Variants in KCNH6 observed in about 807,000 individuals in gnomAD.
The protein encoded by KCNH6 is voltage-gated inwardly rectifying potassium channel KCNH6.
A neutral mutation model predicts 83.4 loss-of-function variants in KCNH6; 81 were observed. The ratio of observed to expected loss-of-function variants is 0.97; its 90% confidence interval spans 0.81 to 1.17. The LOEUF (loss-of-function observed/expected upper bound fraction) is 1.17, where lower values mean the gene tolerates loss of function less well. Ranked by LOEUF, KCNH6 falls within the 50% of genes most tolerant of loss-of-function variation. KCNH6 has a pLI of 0.00. For synonymous variants in KCNH6, 503 were observed against 545.6 expected (o/e 0.92, Z 1.09); for missense variants, 1,203 against 1,290.5 (o/e 0.93, Z 1.04).
chr17:63,536,203 C>A, intron 6 of KCNH6, 135 bp downstream of exon 6: 1 of 825,718 alleles, frequency 1.2e-6, no homozygotes, highest in Non-Finnish European at 1.9e-6. Context: ...AAGTGTGCAG[C>A]ACAATGAATT....
At chr17:63,542,833 G>C (rs1436913430) in intron 9 of KCNH6, among the ~76,000 whole-genome samples, 1 of 152,194 alleles carries the variant, frequency 6.6e-6, no homozygotes, top group Non-Finnish European at 1.5e-5. Flanking sequence ...GAAAAAGGGG[G>C]TGCCTTCTGT....
In KCNH6 at chr17:63,545,100, G is replaced by A. The variant is rs990162755; in HGVS notation, c.2419G>A (p.Asp807Asn). Reference sequence around the variant, plus strand: ...CAGGCTGGAGTCCCGCGTGTCCTCAGACCTCAGCCGCATCTTGCAGCTCCT... The same window carrying A: ...CAGGCTGGAGTCCCGCGTGTCCTCAAACCTCAGCCGCATCTTGCAGCTCCT... ...MNRLESRVSS[D>N]LSRILQLLQK... The change falls in exon 12 of 13, where the codon GAC (aspartate) becomes AAC (asparagine). Residue 807 changes from aspartate (D) to asparagine (N), a missense_variant. Coordinates refer to ENST00000314672, the MANE Select transcript of KCNH6 (RefSeq NM_001278919.2). 77 of 1,613,368 alleles carry A rather than the reference G, an allele frequency of 4.8e-5. No homozygotes were observed. Among genetic ancestry groups the A allele is most frequent in the Non-Finnish European group, 5.7e-5 (67 of 1,180,012 alleles).
rs147141670 is a variant in KCNH6 at position 63,525,153 on chromosome 17, C to T, written c.307+784C>T. Reference sequence around the variant, plus strand: ...CATGCTTTCTCTACAGAGAGGCTGACTCAGAAGGTGTGAGATGAGGCCAAG... The same window carrying T: ...CATGCTTTCTCTACAGAGAGGCTGATTCAGAAGGTGTGAGATGAGGCCAAG... On this transcript the variant is annotated intron_variant, in intron 2 of 12. Coordinates refer to ENST00000314672, the MANE Select transcript of KCNH6 (RefSeq NM_001278919.2). Among the ~76,000 whole-genome samples, 30 of 152,322 alleles carry T rather than the reference C, an allele frequency of 2.0e-4. No homozygotes were observed. In the East Asian group the frequency reaches 4.8e-3, roughly 24 times the overall value.
chr17:63,537,039 C>T (rs75764449), intron 6 of KCNH6, among the ~76,000 whole-genome samples: 460 of 151,920 alleles, frequency 3.0e-3, no homozygotes, highest in Non-Finnish European at 5.4e-3. Flanking sequence ...CATGCGGCTC[C>T]GTGTGTCCAC....
In KCNH6 at chr17:63,544,357, G is replaced by A; in HGVS notation, c.2342G>A (p.Cys781Tyr). Residue 781 changes from cysteine (C) to tyrosine (Y), a missense_variant, in exon 11 of 13, where the codon TGC (cysteine) becomes TAC (tyrosine). By Grantham distance (194) the Cys-to-Tyr change is radical (BLOSUM62 -2). Transcript: ENST00000314672. Reference sequence around the variant, plus strand: ...CAAAGCCCTCAGGAAGACCCAGATTGCTGGCCTCTGAAGCTGGGCTCCAGG... The same window carrying A: ...CAAAGCCCTCAGGAAGACCCAGATTACTGGCCTCTGAAGCTGGGCTCCAGG... ...SPQSPQEDPD[C>Y]WPLKLGSRLE... 6.2e-7 allele frequency: 1 copy of A among 1,610,922 alleles called. No homozygotes were observed. The highest frequency in any genetic ancestry group is 2.2e-5 in the East Asian group (1 of 44,856).
chr17:63,530,802 A>G (rs11655589), intron 4 of KCNH6, among the ~76,000 whole-genome samples: 49,744 of 152,048 alleles, frequency 0.33, 8,312 homozygotes, highest in Middle Eastern at 0.43. Context: ...GAATGATGCC[A>G]CCTCCTAGGC....
rs745436763 is a variant in KCNH6, at chr17:63,534,320, AC to A, written c.1101+14del. The A allele has an allele frequency of 3.7e-6, 6 of 1,600,912 alleles. No homozygotes were observed. In the Admixed American group the frequency reaches 1.0e-4, roughly 27 times the overall value. ...GCACTGGCTCCGATGAGGTGAGCAGACCCCCTCCAGGCCAGCAGCCATGGCT... is the reference window on the plus strand; with the variant it reads ...GCACTGGCTCCGATGAGGTGAGCAGACCCCTCCAGGCCAGCAGCCATGGCT... On this transcript the variant is annotated intron_variant, in intron 5 of 12. Transcript: ENST00000314672. The surrounding 1 kb of genome is among the most constrained non-coding windows in gnomAD (Gnocchi z 5.0).
At chr17:63,547,355 G>A (rs946885036), downstream of KCNH6, among the ~76,000 whole-genome samples, 4 of 12,614 alleles carry the variant, frequency 3.2e-4, 1 homozygote, top group East Asian at 5.0e-3. Flanking sequence ...AGCCGTGATT[G>A]CATCACTGAA....
chr17:63,524,584 T>C (rs867640), intron 2 of KCNH6, among the ~76,000 whole-genome samples: 93,346 of 152,166 alleles, frequency 0.61, 29,452 homozygotes, highest in Middle Eastern at 0.76. Flanking sequence ...ACCCACTGGT[T>C]CTGGCCTGGG....
Position 63,545,594 on chromosome 17 carries a change from T to C in KCNH6, c.2584-15T>C. ...GCCTGGCCTGGGGTGCATCCCTCTT[T>C]CTTGCTCCTCCCAGACCCCAAGCTA... On this transcript the variant is annotated splice_polypyrimidine_tract_variant and intron_variant, in intron 12 of 12. Coordinates refer to ENST00000314672, the MANE Select transcript of KCNH6 (RefSeq NM_001278919.2). The C allele has an allele frequency of 6.2e-7, 1 of 1,606,366 alleles. No homozygotes were observed. The highest frequency in any genetic ancestry group is 1.1e-5 in the South Asian group (1 of 90,450).
At position 63,546,190 on chromosome 17, in the gene KCNH6, A is replaced by T; in HGVS notation, c.*288A>T. 1 of 271,224 alleles carries T rather than the reference A, an allele frequency of 3.7e-6. No homozygotes were observed. The allele number at this position is 271,224 out of a possible 1,614,324, so 16.8% of individuals were successfully genotyped here. A position where few individuals can be genotyped will look rare whatever the true frequency, so the allele number is the denominator to read the frequency against. On this transcript the variant is annotated 3_prime_UTR_variant, in exon 13 of 13. Transcript: ENST00000314672. ...GGGAGGTGGAGGTTGCAGGGAGCCG[A>T]GGCCGCACCACTGCACTCCAGCCTG...
In KCNH6 at chr17:63,534,406, C is replaced by T. The variant is rs1318852506; in HGVS notation, c.1101+95C>T. 4.7e-6 allele frequency: 6 copies of T among 1,273,880 alleles called. No homozygotes were observed. The highest frequency in any genetic ancestry group is 2.3e-5 in the Admixed American group (1 of 44,016). 78.9% of individuals were successfully genotyped at this position (1,273,880 alleles called of 1,614,324 possible). ...GCACAGCACTGGGTGCGGAGAGTAT[C>T]TGGCACTGGGCACCTTTGCTGAAGC... On this transcript the variant is annotated intron_variant, in intron 5 of 12. Transcript: ENST00000314672. This position sits in a 1 kb window ranked among gnomAD's most constrained non-coding sequence, Gnocchi z 5.0.
At position 63,523,482 on chromosome 17, in the gene KCNH6, G is replaced by A. The variant is rs1193357116; in HGVS notation, c.69G>A (p.Glu23=). ...TGGACACCATCATCCGCAAGTTCGA[G>A]GGCCAAAGTGAGTGTGTGTATGTTG... ...TYLDTIIRKF[E]GQSRKFLIAN... is the part of the protein sequence containing the mutation. Residue 23 remains glutamate, a synonymous_variant, in exon 1 of 13, where the codon GAG becomes GAA. Coordinates refer to ENST00000314672, the MANE Select transcript of KCNH6 (RefSeq NM_001278919.2). The surrounding 1 kb of genome is among the most constrained non-coding windows in gnomAD (Gnocchi z 4.2). 1 of 1,605,744 alleles carries A rather than the reference G, an allele frequency of 6.2e-7. No individual in the cohort carries two copies. The highest frequency in any genetic ancestry group is 1.1e-5 in the South Asian group (1 of 90,612).
rs968393700 is a variant in KCNH6 at position 63,534,656 on chromosome 17, C to T, written c.1101+345C>T. On this transcript the variant is annotated intron_variant, in intron 5 of 12. Transcript: ENST00000314672. The surrounding 1 kb of genome is among the most constrained non-coding windows in gnomAD (Gnocchi z 5.0). ...TGGAGGAAGAAAGGGATCCCCAGGC[C>T]ACTCCCCCAGTGCACCCTGGCTCCC... Among the ~76,000 whole-genome samples, 6 of 152,118 alleles carry T rather than the reference C, an allele frequency of 3.9e-5. No homozygotes were observed. Among genetic ancestry groups the T allele is most frequent in the Admixed American group, 1.3e-4 (2 of 15,286 alleles).
chr17:63,532,531 G>A (rs1301235440), intron 4 of KCNH6, among the ~76,000 whole-genome samples: 1 of 152,214 alleles, frequency 6.6e-6, no homozygotes, highest in Non-Finnish European at 1.5e-5. Flanking sequence ...TCTATGTGGA[G>A]TCGGAGGGGG....
Position 63,538,797 on chromosome 17 carries a change from C to T in KCNH6, c.1954+135C>T. 2 of 915,190 alleles carry T rather than the reference C, an allele frequency of 2.2e-6. No homozygotes were observed. Among genetic ancestry groups the T allele is most frequent in the Non-Finnish European group, 3.2e-6 (2 of 622,554 alleles). 56.7% of individuals were successfully genotyped at this position (915,190 alleles called of 1,614,324 possible). ...CTGGCAGCCACTTGCACAGCATGTGCCCGGGAGAGCTTTAGACCCAGCTGG... is the reference window on the plus strand; with the variant it reads ...CTGGCAGCCACTTGCACAGCATGTGTCCGGGAGAGCTTTAGACCCAGCTGG... On this transcript the variant is annotated intron_variant, in intron 8 of 12. Coordinates refer to ENST00000314672, the MANE Select transcript of KCNH6 (RefSeq NM_001278919.2). This position sits in a 1 kb window ranked among gnomAD's most constrained non-coding sequence, Gnocchi z 4.0.
Position 63,533,757 on chromosome 17 carries a change from C to A in KCNH6, c.676-129C>A. ...ACCCCCCACCCCATCTCTCCCTCAT[C>A]CCCTCTGCCCACCAGAGCCGTGGTC... On this transcript the variant is annotated intron_variant, in intron 4 of 12. Transcript: ENST00000314672. The surrounding 1 kb of genome is among the most constrained non-coding windows in gnomAD (Gnocchi z 4.1). 1 of 747,540 alleles carries A rather than the reference C, an allele frequency of 1.3e-6. No homozygotes were observed. The highest frequency in any genetic ancestry group is 2.2e-6 in the Non-Finnish European group (1 of 458,052). The allele number at this position is 747,540 out of a possible 1,614,324, so 46.3% of individuals were successfully genotyped here. A position where few individuals can be genotyped will look rare whatever the true frequency, so the allele number is the denominator to read the frequency against.
At position 63,535,011 on chromosome 17, in the gene KCNH6, G is replaced by C. The variant is rs1022278875; in HGVS notation, c.1102-658G>C. Among the ~76,000 whole-genome samples, 1 of 152,072 alleles carries C rather than the reference G, an allele frequency of 6.6e-6. No homozygotes were observed. The highest frequency in any genetic ancestry group is 2.4e-5 in the African/African-American group (1 of 41,400). ...TTGTGTCCCATCACCAAACTTGCCA[G>C]TCTCCCGCCCCTCCACACAGCTGCC... On this transcript the variant is annotated intron_variant, in intron 5 of 12. Coordinates refer to ENST00000314672, the MANE Select transcript of KCNH6 (RefSeq NM_001278919.2). The surrounding 1 kb of genome is among the most constrained non-coding windows in gnomAD (Gnocchi z 4.9).
chr17:63,534,294 C>T lies in KCNH6; in HGVS notation c.1084C>T (p.Arg362Cys), dbSNP rs141581333. The T allele has an allele frequency of 3.8e-5, 62 of 1,612,896 alleles. No individual in the cohort carries two copies. Among genetic ancestry groups the T allele is most frequent in the Middle Eastern group, 1.6e-4 (1 of 6,082 alleles). ...AAIPFDLLIF[R>C]TGSDETTTLI... Reference sequence around the variant, plus strand: ...CATCCCTTTCGACCTCCTGATCTTCCGCACTGGCTCCGATGAGGTGAGCAG... The same window carrying T: ...CATCCCTTTCGACCTCCTGATCTTCTGCACTGGCTCCGATGAGGTGAGCAG... Residue 362 changes from arginine to cysteine, a missense_variant, in exon 5 of 13, where the codon CGC becomes TGC. By Grantham distance (180) the Arg-to-Cys change is radical. Coordinates refer to ENST00000314672, the MANE Select transcript of KCNH6 (RefSeq NM_001278919.2). This position sits in a 1 kb window ranked among gnomAD's most constrained non-coding sequence, Gnocchi z 5.0.
Sources: allele counts gnomAD v4.1 joint callset (sites outside exome capture counted in the v4.1 genomes callset), GRCh38; gene constraint gnomAD v4.1.1; non-coding constraint Gnocchi (gnomAD v3.1); transcripts MANE v1.5; gene names NCBI Gene and HGNC (gene_info 2026-07-23, HGNC 2026-07-21).